The following RSF1 variants were observed in gnomAD, a reference collection of about 807,000 sequenced individuals.
RSF1 encodes remodeling and spacing factor 1, also known as HBV pX-associated protein 8.
Under a neutral mutation model 145.2 loss-of-function variants are expected in RSF1, and 13 were observed. That is an observed-to-expected ratio of 0.09 (90% CI 0.06 to 0.14). The LOEUF (loss-of-function observed/expected upper bound fraction) is 0.14, where lower values mean the gene tolerates loss of function less well. Ranked by LOEUF, RSF1 falls within the 10% of genes least tolerant of loss-of-function variation. The pLI is 1.00. For synonymous variants in RSF1, 577 were observed against 592.6 expected (o/e 0.97, Z 0.38); for missense variants, 1,517 against 1,718.2 (o/e 0.88, Z 2.07).
chr11:77,769,601 T>G (rs1948261615), intron 1 of RSF1, among the ~76,000 whole-genome samples: 1 of 152,206 alleles, frequency 6.6e-6, no homozygotes, highest in Admixed American at 6.5e-5. Context: ...AGGTATGAAG[T>G]AGCAGAAAAG....
At chr11:77,868,337 G>A in the RSF1 span, among the ~76,000 whole-genome samples, 4 of 148,506 alleles carry the variant, frequency 2.7e-5, no homozygotes, top group East Asian at 6.0e-4. Flanking sequence ...TTACAGGTGT[G>A]AGCCACCACG....
the RSF1 span, among the ~76,000 whole-genome samples, chr11:77,868,060 T>C: frequency 2.0e-5 from 3 of 148,346 alleles, no homozygotes; most frequent in African/African-American, 7.3e-5. Flanking sequence ...CTCTGAGCCT[T>C]TTTTTTTTTT....
chr11:77,778,249 TGGGGGAGGGA>T, intron 1 of RSF1, among the ~76,000 whole-genome samples: 1 of 11,362 alleles, frequency 8.8e-5, no homozygotes, highest in East Asian at 2.7e-3. Flanking sequence ...GGGGAGAGCA[TGGGGGAGGGA>T]AGGGGAGAGG....
At position 77,748,383 on chromosome 11, in the gene RSF1, C is replaced by A. The variant is rs143894212; in HGVS notation, c.280-1255G>T. Among the ~76,000 whole-genome samples the A allele has an allele frequency of 1.0e-3, 156 of 151,868 alleles. 1 individual carries two copies. The highest frequency in any genetic ancestry group is 3.7e-3 in the African/African-American group (152 of 41,420). On this transcript the variant is annotated intron_variant, in intron 2 of 15. Coordinates refer to ENST00000308488, the MANE Select transcript of RSF1 (RefSeq NM_016578.4). Reference sequence around the variant, plus strand: ...GGGGCTATAGCCGTGTGCCACCACACCTGGCTGATTTTTGTACTTTTTGTA... The same window carrying A: ...GGGGCTATAGCCGTGTGCCACCACAACTGGCTGATTTTTGTACTTTTTGTA...
intron 1 of RSF1, among the ~76,000 whole-genome samples, chr11:77,779,816 A>G (rs1018611800): frequency 6.6e-6 from 1 of 152,250 alleles, no homozygotes; most frequent in Non-Finnish European, 1.5e-5. Context: ...AGAAGTCCAG[A>G]GTAATGAGTT....
chr11:77,835,570 C>A, the RSF1 span, among the ~76,000 whole-genome samples: 3 of 152,148 alleles, frequency 2.0e-5, no homozygotes, highest in Admixed American at 6.6e-5. Flanking sequence ...AAGTTGTTTT[C>A]CTAATAATAA....
At position 77,661,207 on chromosome 11, in the gene RSF1, G is replaced by A. The variant is rs530623678; in HGVS notation, c.*5710C>T. 1.9e-4 allele frequency: 29 copies of A among 152,110 alleles called. No individual in the cohort carries two copies. In the East Asian group the frequency reaches 5.0e-3, roughly 26 times the overall value. The allele number at this position is 152,110 out of a possible 1,614,324, so 9.4% of individuals were successfully genotyped here. A position where few individuals can be genotyped will look rare whatever the true frequency, so the allele number is the denominator to read the frequency against. ...CTGCTCTACCACCATCTTAGCATAG[G>A]ACATACCCTTTCAAAGTGTACACAC... On this transcript the variant is annotated 3_prime_UTR_variant, in exon 16 of 16. Transcript: ENST00000308488.
Position 77,702,307 on chromosome 11 carries a change from T to C in RSF1, c.922A>G (p.Ile308Val). 1.2e-6 allele frequency: 2 copies of C among 1,609,702 alleles called. No individual in the cohort carries two copies. Among genetic ancestry groups the C allele is most frequent in the Non-Finnish European group, 8.5e-7 (1 of 1,179,056 alleles). The stretch of plus-strand genomic sequence containing the variant: ...TTGAAGGAATCACTTTCTTCTTTGA[T>C]AATCTTTTTTTCTTCATTTTCTGGC... ...PLPENEEKKI[I>V]KEESDSFKEN... Residue 308 changes from isoleucine (I) to valine (V), a missense_variant, in exon 6 of 16, where the codon ATC becomes GTC. Physicochemically the swap from Ile to Val is conservative, Grantham distance 29. Transcript: ENST00000308488.
At chr11:77,841,924 G>A in the RSF1 span, among the ~76,000 whole-genome samples, 8 of 152,100 alleles carry the variant, frequency 5.3e-5, no homozygotes, top group Non-Finnish European at 7.3e-5. Context: ...TGGCCATGGC[G>A]GCAAGGCTGT....
At chr11:77,795,178 T>C (rs994706515) in intron 1 of RSF1, among the ~76,000 whole-genome samples, 1 of 152,016 alleles carries the variant, frequency 6.6e-6, no homozygotes, top group African/African-American at 2.4e-5. Flanking sequence ...TATAAAACAC[T>C]GACTGAAAGA....
chr11:77,742,611 ACTTGTTATCT>A lies in RSF1; in HGVS notation c.373-1685_373-1676del, dbSNP rs1378602264. On this transcript the variant is annotated intron_variant, in intron 3 of 15. Coordinates refer to ENST00000308488, the MANE Select transcript of RSF1 (RefSeq NM_016578.4). Reference sequence around the variant, plus strand: ...TCCCTTTTCTGTACATCTTTACCAAACTTGTTATCTCTTGTCTTGTCTTTTTGATAACAGC... The same window carrying A: ...TCCCTTTTCTGTACATCTTTACCAAACTTGTCTTGTCTTTTTGATAACAGC... Among the ~76,000 whole-genome samples the A allele has an allele frequency of 5.3e-5, 8 of 152,168 alleles. No homozygotes were observed. The East Asian group carries it at 1.5e-3, about 29-fold the overall frequency.
chr11:77,857,749 G>A, the RSF1 span, among the ~76,000 whole-genome samples: 1 of 150,024 alleles, frequency 6.7e-6, no homozygotes, highest in African/African-American at 2.4e-5. Context: ...CAGGCTGGAG[G>A]GCATTGGCGT....
At chr11:77,835,914 GA>G in the RSF1 span, among the ~76,000 whole-genome samples, 140 of 147,078 alleles carry the variant, frequency 9.5e-4, no homozygotes, top group Middle Eastern at 0.027. Flanking sequence ...TGTCAAAAAA[GA>G]AAAAAAAAAT....
Position 77,734,745 on chromosome 11 carries a change from C to T in RSF1, c.578+5986G>A, listed in dbSNP as rs142871107. ...ACTCCATCACATTCAGCCCGCTCTC[C>T]CAGTCATCACAGTCTGGTTTTTTGA... is the stretch of plus-strand genomic sequence containing the variant. On this transcript the variant is annotated intron_variant, in intron 4 of 15. Transcript: ENST00000308488. 1.8e-3 allele frequency: 2,751 copies of T among 1,521,518 alleles called. 8 individuals carry two copies. Among genetic ancestry groups the T allele is most frequent in the Middle Eastern group, 3.1e-3 (18 of 5,836 alleles). 94.3% of individuals were successfully genotyped at this position (1,521,518 alleles called of 1,614,324 possible).
chr11:77,798,142 C>G (rs145166178), intron 1 of RSF1, among the ~76,000 whole-genome samples: 2 of 152,136 alleles, frequency 1.3e-5, no homozygotes, highest in African/African-American at 4.8e-5. Context: ...TTTGACCCAG[C>G]GATCCCATTA....
At chr11:77,693,870 C>T (rs1285368121) in intron 7 of RSF1, among the ~76,000 whole-genome samples, 2 of 151,942 alleles carry the variant, frequency 1.3e-5, no homozygotes, top group African/African-American at 2.4e-5. Flanking sequence ...CTGCAACCTC[C>T]GTCTCCCGGG....
intron 1 of RSF1, among the ~76,000 whole-genome samples, chr11:77,818,910 C>T (rs1330387432): frequency 1.3e-5 from 2 of 152,126 alleles, no homozygotes; most frequent in East Asian, 1.9e-4. Flanking sequence ...AGTCACCCTC[C>T]TATTTTGTAC....
intron 9 of RSF1, among the ~76,000 whole-genome samples, chr11:77,686,326 T>C (rs1960002494): frequency 6.9e-6 from 1 of 145,616 alleles, no homozygotes; most frequent in Non-Finnish European, 1.5e-5. Context: ...GAAGATTACT[T>C]GAACTCAGGA....
In RSF1 at chr11:77,820,687, C is replaced by G. The variant is rs377183033; in HGVS notation, c.28G>C (p.Val10Leu). ...CCCGGGCAGCCCGGAGGAGCCATCACCGCCGCCGCTGCCGCCGCCGTCGCC... is the reference window on the plus strand; with the variant it reads ...CCCGGGCAGCCCGGAGGAGCCATCAGCGCCGCCGCTGCCGCCGCCGTCGCC... Reference protein sequence around the residue: MATAAAAAAVMAPPGCPGSC... With the variant: MATAAAAAALMAPPGCPGSC... The change falls in exon 1 of 16, where the codon GTG becomes CTG. Residue 10 changes from valine to leucine, a missense_variant. Physicochemically the swap from Val to Leu is conservative, Grantham distance 32. This residue lies in a region of RSF1 where 85 missense variants were observed against 91.8 expected (regional missense o/e 0.93). Transcript: ENST00000308488. 571 of 1,552,422 alleles carry G rather than the reference C, an allele frequency of 3.7e-4. No homozygotes were observed. The African/African-American group carries it at 6.4e-3, about 17-fold the overall frequency.
Sources: allele counts gnomAD v4.1 joint callset (sites outside exome capture counted in the v4.1 genomes callset), GRCh38; gene constraint gnomAD v4.1.1; regional missense constraint gnomAD v4.1.1; transcripts MANE v1.5; gene names NCBI Gene and HGNC (gene_info 2026-07-23, HGNC 2026-07-21).